The following HERC3 variants were observed in gnomAD, a reference collection of about 807,000 sequenced individuals.
HERC3 encodes the protein HECT and RLD domain containing E3 ubiquitin protein ligase 3, also known as probable E3 ubiquitin-protein ligase HERC3.
HERC3 carries 58 observed loss-of-function variants against 129.9 expected under a neutral mutation model. The observed-to-expected ratio is 0.45, with a 90% CI of 0.36 to 0.56. The LOEUF (loss-of-function observed/expected upper bound fraction) is 0.56. Among genes scored for constraint, HERC3 ranks in the 20% least tolerant of loss-of-function variants. The pLI is 0.00. For synonymous variants in HERC3, 430 were observed against 451.0 expected (o/e 0.95, Z 0.59); for missense variants, 835 against 1,244.2 (o/e 0.67, Z 4.95).
At chr4:88,618,105 A>G (rs1725122315) in intron 3 of HERC3, among the ~76,000 whole-genome samples, 1 of 152,264 alleles carries the variant, frequency 6.6e-6, no homozygotes, top group Non-Finnish European at 1.5e-5. Flanking sequence ...GGCACAAATC[A>G]TGTTCTCCTT....
chr4:88,548,177 C>T, the HERC3 span, among the ~76,000 whole-genome samples: 56,842 of 152,016 alleles, frequency 0.37, 13,969 homozygotes, highest in African/African-American at 0.69. Flanking sequence ...GAACAAATTT[C>T]TGTATACATG....
chr4:88,690,055 C>T (rs1733914787), intron 23 of HERC3: 1 of 985,096 alleles, frequency 1.0e-6, no homozygotes, highest in African/African-American at 1.7e-5. Context: ...AGACACCCAA[C>T]AAAACTGGCT....
intron 16 of HERC3, among the ~76,000 whole-genome samples, chr4:88,675,926 T>A (rs1485876797): frequency 6.6e-6 from 1 of 152,160 alleles, no homozygotes. Flanking sequence ...TGTTTTGGAA[T>A]TAGATTGCTT....
In HERC3 at chr4:88,680,210, T is replaced by TA; in HGVS notation, c.2314_2315insA (p.Ser772TyrfsTer63). Reference sequence around the variant, plus strand: ...TGGAATGTTTACCTACTATCAAGATTCAAATCTCTTGTGGTTTTCAGACAC... The same window carrying TA: ...TGGAATGTTTACCTACTATCAAGATTACAAATCTCTTGTGGTTTTCAGACAC... On this transcript the variant is annotated frameshift_variant, in exon 20 of 26. Transcript: ENST00000402738. LOFTEE classifies it high-confidence loss of function. 1 of 1,609,038 alleles carries TA rather than the reference T, an allele frequency of 6.2e-7. No individual in the cohort carries two copies. Among genetic ancestry groups the TA allele is most frequent in the Non-Finnish European group, 8.5e-7 (1 of 1,178,156 alleles).
intron 8 of HERC3, 73 bp downstream of exon 8, chr4:88,655,377 A>G (rs941859357): frequency 1.1e-5 from 17 of 1,526,150 alleles, no homozygotes; most frequent in African/African-American, 1.4e-5. Context: ...GTGATGAAGA[A>G]TGTGATTATA....
intron 10 of HERC3, among the ~76,000 whole-genome samples, chr4:88,659,459 G>T (rs1246723737): frequency 3.9e-5 from 6 of 152,220 alleles, no homozygotes; most frequent in Non-Finnish European, 2.9e-5. Flanking sequence ...GAAAATCCTG[G>T]TGGAGCCCGA....
chr4:88,581,163 C>G, the HERC3 span, among the ~76,000 whole-genome samples: 1 of 152,170 alleles, frequency 6.6e-6, no homozygotes, highest in Non-Finnish European at 1.5e-5. Context: ...TCCTGCTTCT[C>G]TTTTCCCTTA....
intron 3 of HERC3, among the ~76,000 whole-genome samples, chr4:88,637,176 A>G (rs1727512959): frequency 6.6e-6 from 1 of 151,970 alleles, no homozygotes; most frequent in Non-Finnish European, 1.5e-5. Context: ...CTGTAATCCC[A>G]GCATTTTGGG....
At chr4:88,692,112 C>T (rs1167347545) in intron 23 of HERC3, among the ~76,000 whole-genome samples, 1 of 152,172 alleles carries the variant, frequency 6.6e-6, no homozygotes, top group African/African-American at 2.4e-5. Context: ...GTGGCTGCAT[C>T]ATAGACAAAT....
At chr4:88,614,483 A>G (rs1405056648) in intron 3 of HERC3, among the ~76,000 whole-genome samples, 1 of 152,178 alleles carries the variant, frequency 6.6e-6, no homozygotes, top group African/African-American at 2.4e-5. Context: ...TTGCCCACCC[A>G]GAAGCTTGTA....
chr4:88,683,782 A>G (rs1048309044), intron 21 of HERC3, among the ~76,000 whole-genome samples: 5 of 152,192 alleles, frequency 3.3e-5, no homozygotes, highest in Non-Finnish European at 7.4e-5. Flanking sequence ...CAGAGATAAT[A>G]AAGTGTTTTT....
chr4:88,564,680 C>A, the HERC3 span, among the ~76,000 whole-genome samples: 1 of 152,036 alleles, frequency 6.6e-6, no homozygotes, highest in African/African-American at 2.4e-5. Flanking sequence ...TTCAAAAAAC[C>A]AAATTGTTGT....
the HERC3 span, among the ~76,000 whole-genome samples, chr4:88,566,575 C>T: frequency 6.6e-6 from 1 of 152,084 alleles, no homozygotes; most frequent in African/African-American, 2.4e-5. Flanking sequence ...TTGCTGTGTA[C>T]TTATATTACC....
the HERC3 span, among the ~76,000 whole-genome samples, chr4:88,561,971 T>C: frequency 6.6e-6 from 1 of 152,218 alleles, no homozygotes; most frequent in South Asian, 2.1e-4. Context: ...TACAGATATC[T>C]TTGGAATGTA....
chr4:88,654,609 TTAAA>T (rs1458348460), intron 7 of HERC3, among the ~76,000 whole-genome samples: 1 of 150,596 alleles, frequency 6.6e-6, no homozygotes, highest in Non-Finnish European at 1.5e-5. Context: ...AACAAGTCAT[TTAAA>T]TATGTAAAAA....
intron 23 of HERC3, chr4:88,692,991 A>G (rs910339564): frequency 6.8e-5 from 66 of 976,516 alleles, no homozygotes; most frequent in Non-Finnish European, 8.0e-5. Context: ...AGTTAAAAAC[A>G]TAACTAATAT....
At chr4:88,537,651 A>T in the HERC3 span, among the ~76,000 whole-genome samples, 3 of 152,244 alleles carry the variant, frequency 2.0e-5, no homozygotes. Flanking sequence ...CAAAAGAGAG[A>T]CCAAGTGTTC....
At chr4:88,658,572 A>G in intron 10 of HERC3, 81 bp downstream of exon 10, 1 of 718,584 alleles carries the variant, frequency 1.4e-6, no homozygotes, top group East Asian at 2.6e-5. Context: ...ATTACAACAT[A>G]AAGAGCAATG....
chr4:88,641,739 C>T (rs1350598262), intron 3 of HERC3, among the ~76,000 whole-genome samples: 1 of 152,088 alleles, frequency 6.6e-6, no homozygotes, highest in Non-Finnish European at 1.5e-5. Context: ...CACAAACTGT[C>T]AAAACTCAAC....
Sources: gnomAD v4.1 joint callset for allele counts (sites outside exome capture counted in the v4.1 genomes callset) on GRCh38, gnomAD v4.1.1 for gene constraint, MANE v1.5 for transcripts, NCBI Gene and HGNC (gene_info 2026-07-23, HGNC 2026-07-21) for gene names.